FNIP1: variants seen among roughly 807,000 people sequenced by gnomAD.
FNIP1 encodes the protein folliculin interacting protein 1.
A neutral mutation model predicts 124.5 loss-of-function variants in FNIP1; 40 were observed. The observed-to-expected ratio is 0.32, with a 90% CI of 0.25 to 0.42. The LOEUF (loss-of-function observed/expected upper bound fraction) is 0.42, where lower values mean the gene tolerates loss of function less well. Ranked by LOEUF, FNIP1 falls within the 10% of genes least tolerant of loss-of-function variation. The pLI is 1.00. For synonymous variants in FNIP1, 472 were observed against 470.6 expected (o/e 1.00, Z -0.04); for missense variants, 1,176 against 1,403.7 (o/e 0.84, Z 2.59).
At chr5:131,786,860 C>A (rs1232373018) in intron 1 of FNIP1, among the ~76,000 whole-genome samples, 2 of 152,180 alleles carry the variant, frequency 1.3e-5, no homozygotes, top group Admixed American at 6.5e-5. Flanking sequence ...TTATAAATTT[C>A]TTTTCTTTAT....
chr5:131,677,868 A>G lies in FNIP1; in HGVS notation c.1354T>C (p.Leu452=), dbSNP rs970820446. The G allele has an allele frequency of 6.2e-7, 1 of 1,612,826 alleles. No homozygotes were observed. The highest frequency in any genetic ancestry group is 1.3e-5 in the African/African-American group (1 of 74,880). The stretch of plus-strand genomic sequence containing the variant: ...AGAACTGCAGTAATGAGAGCTGGCA[A>G]GAATCTGAAAACAAAATACATCTGA... ...LMENASKNQF[L]PALITAVLTN... The change falls in exon 13 of 18, where the codon TTG becomes CTG. Residue 452 remains leucine, a synonymous_variant. Coordinates refer to ENST00000510461, the MANE Select transcript of FNIP1 (RefSeq NM_133372.3).
intron 3 of FNIP1, among the ~76,000 whole-genome samples, chr5:131,722,015 T>C (rs1769682581): frequency 1.3e-5 from 2 of 152,216 alleles, no homozygotes; most frequent in Non-Finnish European, 1.5e-5. Flanking sequence ...AGGGCAGTAA[T>C]GTGCACAAAT....
chr5:131,658,794 A>G (rs1335167970), intron 15 of FNIP1, among the ~76,000 whole-genome samples: 1 of 151,726 alleles, frequency 6.6e-6, no homozygotes, highest in Non-Finnish European at 1.5e-5. Context: ...CTATTAGAAA[A>G]AAGAACAATG....
chr5:131,769,410 A>T (rs1405766810), intron 1 of FNIP1, among the ~76,000 whole-genome samples: 1 of 152,208 alleles, frequency 6.6e-6, no homozygotes, highest in African/African-American at 2.4e-5. Context: ...TTTGATGTTA[A>T]CACACTTGAA....
chr5:131,693,045 A>G (rs1019839964), intron 11 of FNIP1, among the ~76,000 whole-genome samples: 3 of 151,256 alleles, frequency 2.0e-5, no homozygotes, highest in Non-Finnish European at 4.4e-5. Flanking sequence ...TCAGGGCTCC[A>G]GAGAGCTATT....
chr5:131,796,294 G>C (rs1772587841), intron 1 of FNIP1: 1 of 153,802 alleles, frequency 6.5e-6, no homozygotes, highest in Admixed American at 6.5e-5. Flanking sequence ...TAGCGTCCAA[G>C]AAACCTGAAA....
At chr5:131,647,962 G>A (rs967583910) in intron 16 of FNIP1, among the ~76,000 whole-genome samples, 2 of 151,560 alleles carry the variant, frequency 1.3e-5, no homozygotes, top group South Asian at 2.1e-4. Context: ...TTCTCCTGTG[G>A]AGAATAAAAA....
chr5:131,647,910 AAATT>A (rs1193973928), intron 16 of FNIP1, among the ~76,000 whole-genome samples: 1 of 152,080 alleles, frequency 6.6e-6, no homozygotes, highest in African/African-American at 2.4e-5. Context: ...AAATTTTTAT[AAATT>A]AATACTTTTC....
At chr5:131,646,091 T>C (rs1301191677) in intron 17 of FNIP1, among the ~76,000 whole-genome samples, 1 of 152,136 alleles carries the variant, frequency 6.6e-6, no homozygotes, top group Non-Finnish European at 1.5e-5. Context: ...AACACACAGC[T>C]CACTCCCCAG....
chr5:131,785,499 G>C (rs1772176389), intron 1 of FNIP1, among the ~76,000 whole-genome samples: 1 of 151,878 alleles, frequency 6.6e-6, no homozygotes, highest in African/African-American at 2.4e-5. Context: ...AGGTTGCAGT[G>C]AGCCAAGATT....
At chr5:131,731,985 TGAGA>T (rs1208850149) in intron 2 of FNIP1, among the ~76,000 whole-genome samples, 1 of 152,230 alleles carries the variant, frequency 6.6e-6, no homozygotes, top group African/African-American at 2.4e-5. Context: ...AAAATTTTAA[TGAGA>T]GAATGAACTT....
intron 1 of FNIP1, among the ~76,000 whole-genome samples, chr5:131,781,207 A>G (rs1202785974): frequency 6.6e-6 from 1 of 152,244 alleles, no homozygotes; most frequent in African/African-American, 2.4e-5. Flanking sequence ...TGAAAGTAGT[A>G]TAGGTTAGTT....
chr5:131,785,478 C>T (rs1772175142), intron 1 of FNIP1, among the ~76,000 whole-genome samples: 2 of 151,886 alleles, frequency 1.3e-5, no homozygotes. Context: ...TCACTTGAAC[C>T]CGGGAGGCGG....
At position 131,657,249 on chromosome 5, in the gene FNIP1, ACCT is replaced by A. The variant is rs1157572164; in HGVS notation, c.3109-5253_3109-5251del. ...GAACTCCTGACCTCATGATCCACAC[ACCT>A]CAGCCTCCTAAGGTGCTGGGATTAC... On this transcript the variant is annotated intron_variant, in intron 15 of 17. Transcript: ENST00000510461. 2.6e-5 allele frequency among the ~76,000 whole-genome samples: 4 copies of A among 151,366 alleles called. No individual in the cohort carries two copies. The East Asian group carries it at 7.8e-4, about 30-fold the overall frequency.
chr5:131,680,208 T>C (rs1265368316), intron 11 of FNIP1, among the ~76,000 whole-genome samples: 1 of 152,194 alleles, frequency 6.6e-6, no homozygotes, highest in Non-Finnish European at 1.5e-5. Flanking sequence ...TCTAGAAAGT[T>C]CTCTGAGATT....
chr5:131,719,551 T>C (rs1769586556), intron 3 of FNIP1, 134 bp from the exon 4 acceptor site: 3 of 678,862 alleles, frequency 4.4e-6, no homozygotes. Flanking sequence ...TATACGCTGT[T>C]CTGCAACTCG....
At chr5:131,691,169 A>G (rs1286119017) in intron 11 of FNIP1, among the ~76,000 whole-genome samples, 1 of 152,224 alleles carries the variant, frequency 6.6e-6, no homozygotes, top group Non-Finnish European at 1.5e-5. Context: ...TTCTCAAATC[A>G]CAAACTAGAA....
At chr5:131,752,699 A>T (rs1268298546) in intron 1 of FNIP1, among the ~76,000 whole-genome samples, 1 of 152,214 alleles carries the variant, frequency 6.6e-6, no homozygotes, top group Non-Finnish European at 1.5e-5. Flanking sequence ...ATTTCACAAA[A>T]GGAGATATAT....
At chr5:131,648,514 CT>C (rs759049968) in intron 16 of FNIP1, among the ~76,000 whole-genome samples, 10 of 151,980 alleles carry the variant, frequency 6.6e-5, no homozygotes, top group Non-Finnish European at 1.0e-4. Flanking sequence ...TAAAAATCTA[CT>C]TTATTATTGT....
Sources: gnomAD v4.1 joint callset for allele counts (sites outside exome capture counted in the v4.1 genomes callset) on GRCh38, gnomAD v4.1.1 for gene constraint, MANE v1.5 for transcripts, NCBI Gene and HGNC (gene_info 2026-07-23, HGNC 2026-07-21) for gene names.